SHISA6: variants seen among roughly 807,000 people sequenced by gnomAD.
SHISA6 encodes the protein shisa family member 6, also known as protein shisa-6.
SHISA6 carries 22 observed loss-of-function variants against 47.9 expected under a neutral mutation model. The ratio of observed to expected loss-of-function variants is 0.46; its 90% CI spans 0.33 to 0.66. The LOEUF (loss-of-function observed/expected upper bound fraction) is 0.66, where lower values mean the gene tolerates loss of function less well. SHISA6 is among the 30% of genes least tolerant of loss of function. The probability of loss-of-function intolerance (pLI) is 0.02; values close to 1 mark genes in which losing one functional copy is unlikely to be tolerated. For synonymous variants in SHISA6, 388 were observed against 337.8 expected, an observed-to-expected ratio of 1.15 and a Z score of -1.63; for missense variants, 680 against 764.6, an observed-to-expected ratio of 0.89 and a Z score of 1.30.
intron 1 of SHISA6, among the ~76,000 whole-genome samples, chr17:11,247,263 G>T (rs553398136): frequency 2.0e-5 from 3 of 152,178 alleles, no homozygotes; most frequent in Non-Finnish European, 2.9e-5. Flanking sequence ...TACGGATCCG[G>T]AATAAAAGGG....
At chr17:11,466,039 T>C (rs1006233) in intron 3 of SHISA6, among the ~76,000 whole-genome samples, 10,689 of 152,148 alleles carry the variant, frequency 0.07, 610 homozygotes, top group African/African-American at 0.15. Context: ...ACCTTGTTCT[T>C]CTAGATTGAT....
At chr17:11,512,079 T>C (rs2071545840) in intron 3 of SHISA6, among the ~76,000 whole-genome samples, 1 of 152,250 alleles carries the variant, frequency 6.6e-6, no homozygotes, top group Non-Finnish European at 1.5e-5. Flanking sequence ...GTCTTCCAAT[T>C]TGAACATTCA....
At chr17:11,403,565 T>C (rs779393627) in intron 3 of SHISA6, among the ~76,000 whole-genome samples, 6 of 152,088 alleles carry the variant, frequency 3.9e-5, no homozygotes, top group Non-Finnish European at 8.8e-5. Context: ...GCAGGCAAAG[T>C]GGGGCTTGCC....
At chr17:11,449,076 T>C (rs1371002116) in intron 3 of SHISA6, among the ~76,000 whole-genome samples, 1 of 152,168 alleles carries the variant, frequency 6.6e-6, no homozygotes, top group Non-Finnish European at 1.5e-5. Context: ...TGATACACAT[T>C]GAGTCTGAAA....
intron 3 of SHISA6, among the ~76,000 whole-genome samples, chr17:11,422,038 T>G (rs1914464184): frequency 6.6e-6 from 1 of 152,042 alleles, no homozygotes; most frequent in Non-Finnish European, 1.5e-5. Flanking sequence ...TTGGCCAAAT[T>G]TATTCTGTGT....
At chr17:11,427,030 G>A (rs989085576) in intron 3 of SHISA6, among the ~76,000 whole-genome samples, 13 of 152,144 alleles carry the variant, frequency 8.5e-5, no homozygotes, top group South Asian at 2.1e-4. Flanking sequence ...AATTAGAAAT[G>A]TGCCCCAGAA....
intron 3 of SHISA6, among the ~76,000 whole-genome samples, chr17:11,493,719 C>A (rs190635365): frequency 6.5e-4 from 99 of 152,328 alleles, no homozygotes; most frequent in African/African-American, 2.3e-3. Flanking sequence ...GATTCCCAGC[C>A]TCAGCAACCT....
At chr17:11,530,381 T>C (rs1431032799) in intron 3 of SHISA6, among the ~76,000 whole-genome samples, 1 of 152,204 alleles carries the variant, frequency 6.6e-6, no homozygotes, top group Non-Finnish European at 1.5e-5. Flanking sequence ...CAGTATTTTG[T>C]CACTGAAAAA....
At chr17:11,539,763 C>T (rs757255466) in intron 3 of SHISA6, among the ~76,000 whole-genome samples, 20 of 152,130 alleles carry the variant, frequency 1.3e-4, no homozygotes, top group Admixed American at 3.9e-4. Flanking sequence ...GTCAGCATAT[C>T]GATCAATGAG....
At chr17:11,423,254 T>A (rs973749652) in intron 3 of SHISA6, among the ~76,000 whole-genome samples, 8 of 144,988 alleles carry the variant, frequency 5.5e-5, no homozygotes, top group South Asian at 2.1e-4. Flanking sequence ...TATATATATA[T>A]AATATATATA....
chr17:11,322,012 A>G (rs1452880680), intron 2 of SHISA6, among the ~76,000 whole-genome samples: 1 of 152,176 alleles, frequency 6.6e-6, no homozygotes, highest in Admixed American at 6.5e-5. Flanking sequence ...GTAATTTAAA[A>G]CTTAAGTTGT....
intron 2 of SHISA6, among the ~76,000 whole-genome samples, chr17:11,322,395 A>G (rs1910744543): frequency 6.6e-6 from 1 of 152,312 alleles, no homozygotes; most frequent in Non-Finnish European, 1.5e-5. Context: ...ACAATTTCTT[A>G]TAGAGTGAAT....
intron 3 of SHISA6, among the ~76,000 whole-genome samples, chr17:11,452,844 A>C (rs36024971): frequency 0.65 from 95,904 of 146,940 alleles, 32,408 homozygotes; most frequent in African/African-American, 0.88. Flanking sequence ...CTCTTCCTCT[A>C]CTCCTTGTTC....
chr17:11,261,625 T>C (rs977270548), intron 1 of SHISA6, among the ~76,000 whole-genome samples: 18 of 152,256 alleles, frequency 1.2e-4, no homozygotes, highest in Non-Finnish European at 2.6e-4. Context: ...ATCCATGTGA[T>C]AGCAGGTATC....
Position 11,373,779 on chromosome 17 carries a change from T to A in SHISA6, c.800-5635T>A, listed in dbSNP as rs192539350. ...ACTGTATAAGAATACATTGTGTGAG[T>A]ACACCACTATTTATGACTTTTCTCT... On this transcript the variant is annotated intron_variant, in intron 2 of 5. Transcript: ENST00000441885. 8.5e-5 allele frequency among the ~76,000 whole-genome samples: 13 copies of A among 152,342 alleles called. No homozygotes were observed. In the South Asian group the frequency reaches 2.3e-3, roughly 27 times the overall value.
intron 3 of SHISA6, among the ~76,000 whole-genome samples, chr17:11,387,887 CCCACAGCTGATCTGAT>C (rs756772113): frequency 3.0e-4 from 45 of 152,272 alleles, no homozygotes; most frequent in Non-Finnish European, 4.1e-4. Context: ...TTTCTGCAGC[CCCACAGCTGATCTGAT>C]CCAGGGGCCG....
At chr17:11,525,870 A>G (rs532735593) in intron 3 of SHISA6, among the ~76,000 whole-genome samples, 1 of 151,696 alleles carries the variant, frequency 6.6e-6, no homozygotes, top group South Asian at 2.1e-4. Context: ...TTGGCTGGGC[A>G]TGGTGGTGCA....
intron 3 of SHISA6, among the ~76,000 whole-genome samples, chr17:11,415,088 AAAAG>A (rs1163864089): frequency 2.6e-5 from 4 of 152,152 alleles, no homozygotes; most frequent in East Asian, 1.9e-4. Flanking sequence ...TAAAAAAAAA[AAAAG>A]AAAGAAAGAA....
intron 2 of SHISA6, among the ~76,000 whole-genome samples, chr17:11,359,900 CAG>C (rs1265561459): frequency 1.3e-5 from 2 of 152,188 alleles, no homozygotes; most frequent in Non-Finnish European, 2.9e-5. Flanking sequence ...TTGTGGAAGA[CAG>C]TGTGATGATT....
Sources: allele counts gnomAD v4.1 joint callset (sites outside exome capture counted in the v4.1 genomes callset), GRCh38; gene constraint gnomAD v4.1.1; transcripts MANE v1.5; gene names NCBI Gene and HGNC (gene_info 2026-07-23, HGNC 2026-07-21).